RNASET2: variants seen among roughly 807,000 people sequenced by gnomAD.
The protein encoded by RNASET2 is ribonuclease T2.
Under a neutral mutation model 33.9 loss-of-function variants are expected in RNASET2, and 28 were observed. The observed-to-expected ratio is 0.83, with a 90% CI of 0.61 to 1.13. The LOEUF (loss-of-function observed/expected upper bound fraction) is 1.13. RNASET2 is among the 50% of genes most tolerant of loss of function. The pLI is 0.00. For synonymous variants in RNASET2, 123 were observed against 121.0 expected (o/e 1.02, Z -0.11); for missense variants, 330 against 319.9 (o/e 1.03, Z -0.24).
intron 3 of RNASET2, among the ~76,000 whole-genome samples, chr6:166,947,385 T>C: frequency 6.6e-6 from 1 of 152,204 alleles, no homozygotes; most frequent in Non-Finnish European, 1.5e-5. Flanking sequence ...ACTAACTTCC[T>C]AAGACCCCGA....
chr6:166,951,171 C>T (rs1050050380), intron 2 of RNASET2, among the ~76,000 whole-genome samples: 4 of 151,942 alleles, frequency 2.6e-5, no homozygotes, highest in Non-Finnish European at 4.4e-5. Flanking sequence ...GCAGCGGAGG[C>T]GGAGAGAGAG....
rs749361634 is a variant in RNASET2 at position 166,928,637 on chromosome 6, G to A, written c.*951C>T. ...AAAGAGAGAAGAGGCCAGGAGACGC[G>A]GGAGAAGACAATGCTAACAGGTTGT... is the stretch of plus-strand genomic sequence containing the variant. On this transcript the variant is annotated 3_prime_UTR_variant, in exon 9 of 9. Transcript: ENST00000508775. Among the ~76,000 whole-genome samples the A allele has an allele frequency of 1.3e-5, 2 of 152,166 alleles. No homozygotes were observed. Among genetic ancestry groups the A allele is most frequent in the Admixed American group, 1.3e-4 (2 of 15,282 alleles).
intron 6 of RNASET2, among the ~76,000 whole-genome samples, chr6:166,937,614 G>A (rs896731502): frequency 2.6e-5 from 4 of 152,110 alleles, no homozygotes; most frequent in South Asian, 2.1e-4. Flanking sequence ...GTCTGTGTAC[G>A]TTTCTTAGTG....
rs183445525 is a variant in RNASET2 at position 166,935,833 on chromosome 6, C to T, written c.447-1697G>A. On this transcript the variant is annotated intron_variant, in intron 6 of 8. Coordinates refer to ENST00000508775, the MANE Select transcript of RNASET2 (RefSeq NM_003730.6). The stretch of plus-strand genomic sequence containing the variant: ...GCTAGGATTACGTGCACCACCATGC[C>T]CAGCTAATTTTTGTATTTTTAGTAG... 2.7e-3 allele frequency among the ~76,000 whole-genome samples: 409 copies of T among 152,188 alleles called. 2 individuals carry two copies. Among genetic ancestry groups the T allele is most frequent in the African/African-American group, 9.5e-3 (396 of 41,510 alleles).
chr6:166,943,271 C>T, intron 4 of RNASET2, 182 bp from the exon 5 acceptor site: 1 of 532,156 alleles, frequency 1.9e-6, no homozygotes, highest in Non-Finnish European at 3.4e-6. Flanking sequence ...TCTACAAGTG[C>T]AATTTGAGTA....
intron 1 of RNASET2, chr6:166,955,742 T>C: frequency 8.7e-7 from 1 of 1,143,510 alleles, no homozygotes. Context: ...CCCAACCCAC[T>C]TCTTCCCAGG....
chr6:166,926,293 T>G lies in RNASET2; in HGVS notation c.*3295A>C, dbSNP rs771109927. 1.3e-5 allele frequency among the ~76,000 whole-genome samples: 2 copies of G among 151,266 alleles called. No homozygotes were observed. Among genetic ancestry groups the G allele is most frequent in the Admixed American group, 6.6e-5 (1 of 15,110 alleles). On this transcript the variant is annotated 3_prime_UTR_variant, in exon 9 of 9. Coordinates refer to ENST00000508775, the MANE Select transcript of RNASET2 (RefSeq NM_003730.6). ...TGGCTCACACCTATAATCCTAGCACTCTGGGAGGCTGAGGCAGGCAGATCA... is the reference window on the plus strand; with the variant it reads ...TGGCTCACACCTATAATCCTAGCACGCTGGGAGGCTGAGGCAGGCAGATCA...
In RNASET2 at chr6:166,923,879, C is replaced by T. The variant is rs1778268599; in HGVS notation, c.*5709G>A. Among the ~76,000 whole-genome samples, 2 of 152,178 alleles carry T rather than the reference C, an allele frequency of 1.3e-5. No individual in the cohort carries two copies. The highest frequency in any genetic ancestry group is 2.9e-5 in the Non-Finnish European group (2 of 68,036). On this transcript the variant is annotated 3_prime_UTR_variant, in exon 9 of 9. Transcript: ENST00000508775. ...AGTATTTTAACTTCTGAGTCTTTTC[C>T]AGCCTTCTGCAGTGATAGATCTAGC...
At chr6:166,934,446 C>G (rs1260204608) in intron 6 of RNASET2, 3 of 349,158 alleles carry the variant, frequency 8.6e-6, no homozygotes, top group Non-Finnish European at 1.6e-5. Flanking sequence ...CACCCGTTTG[C>G]CACACCTGCT....
In RNASET2 at chr6:166,928,792, T is replaced by C. The variant is rs368372765; in HGVS notation, c.*796A>G. 3.9e-5 allele frequency among the ~76,000 whole-genome samples: 6 copies of C among 152,184 alleles called. No homozygotes were observed. The highest frequency in any genetic ancestry group is 9.6e-5 in the African/African-American group (4 of 41,454). On this transcript the variant is annotated 3_prime_UTR_variant, in exon 9 of 9. Transcript: ENST00000508775. ...CTGACGTGAGAGCCATGTCATCACA[T>C]ATCTAGAAGGTAAGGGTACCTCCGG...
intron 6 of RNASET2, among the ~76,000 whole-genome samples, chr6:166,936,814 G>GT (rs1452882218): frequency 3.9e-5 from 6 of 152,366 alleles, no homozygotes; most frequent in East Asian, 1.9e-4. Context: ...TTCAACGAGT[G>GT]TAAGTAGGAG....
chr6:166,932,436 T>C (rs1160640279), intron 7 of RNASET2: 1 of 151,868 alleles, frequency 6.6e-6, no homozygotes, highest in East Asian at 1.9e-4. Flanking sequence ...TGGTCCCATA[T>C]CTCCCAGCCC....
chr6:166,939,282 A>C (rs1234243851), intron 5 of RNASET2, among the ~76,000 whole-genome samples: 1 of 152,182 alleles, frequency 6.6e-6, no homozygotes, highest in Non-Finnish European at 1.5e-5. Context: ...GCAGTGAGCC[A>C]AGATCATGCC....
rs1425138432 is a variant in RNASET2 at position 166,941,152 on chromosome 6, TC to T, written c.332+1866del. 2.0e-5 allele frequency among the ~76,000 whole-genome samples: 3 copies of T among 152,236 alleles called. No individual in the cohort carries two copies. The East Asian group carries it at 5.8e-4, about 29-fold the overall frequency. ...AATATTAATTTGTGTGTGAGATTTATCTTTTTCATTTAGAACCAGTTTTTTA... is the reference window on the plus strand; with the variant it reads ...AATATTAATTTGTGTGTGAGATTTATTTTTTCATTTAGAACCAGTTTTTTA... On this transcript the variant is annotated intron_variant, in intron 5 of 8. Transcript: ENST00000508775.
At position 166,926,593 on chromosome 6, in the gene RNASET2, C is replaced by T. The variant is rs1396325821; in HGVS notation, c.*2995G>A. Among the ~76,000 whole-genome samples, 1 of 151,650 alleles carries T rather than the reference C, an allele frequency of 6.6e-6. No homozygotes were observed. Among genetic ancestry groups the T allele is most frequent in the African/African-American group, 2.4e-5 (1 of 41,296 alleles). Reference sequence around the variant, plus strand: ...TCTAGTTCTGAATATGATACAATTGCTACTGTTAGTTATTCAAGCGCATAA... The same window carrying T: ...TCTAGTTCTGAATATGATACAATTGTTACTGTTAGTTATTCAAGCGCATAA... On this transcript the variant is annotated 3_prime_UTR_variant, in exon 9 of 9. Transcript: ENST00000508775.
chr6:166,956,162 G>C lies in RNASET2; in HGVS notation c.21C>G (p.Arg7=), dbSNP rs12193095. ...GGCAGAGGCAGCCCAGCAGGGCCCC[G>C]CGCAGGGCTGCAGGGCGCATGGTGC... is the stretch of plus-strand genomic sequence containing the variant. MRPAAL[R]GALLGCLCLA... The change falls in exon 1 of 9, where the codon CGC becomes CGG. Residue 7 remains arginine, a synonymous_variant. Transcript: ENST00000508775. 6.5e-7 allele frequency: 1 copy of C among 1,549,792 alleles called. No homozygotes were observed. Among genetic ancestry groups the C allele is most frequent in the Admixed American group, 2.0e-5 (1 of 50,978 alleles).
At chr6:166,940,413 G>A (rs978811045) in intron 5 of RNASET2, among the ~76,000 whole-genome samples, 3 of 152,194 alleles carry the variant, frequency 2.0e-5, no homozygotes, top group Non-Finnish European at 4.4e-5. Context: ...GAAAGTGGAT[G>A]AGTAACTGTC....
Position 166,922,196 on chromosome 6 carries a change from G to A in RNASET2, c.*7392C>T, listed in dbSNP as rs1778246704. On this transcript the variant is annotated 3_prime_UTR_variant, in exon 9 of 9. Coordinates refer to ENST00000508775, the MANE Select transcript of RNASET2 (RefSeq NM_003730.6). ...GCATATATGTTGATCATGTTTACAT[G>A]TTTATGTTGGGGACATTATTATAAA... is the stretch of plus-strand genomic sequence containing the variant. Among the ~76,000 whole-genome samples, 1 of 152,144 alleles carries A rather than the reference G, an allele frequency of 6.6e-6. No homozygotes were observed. The highest frequency in any genetic ancestry group is 6.5e-5 in the Admixed American group (1 of 15,272).
chr6:166,939,487 C>T (rs554582270), intron 5 of RNASET2, among the ~76,000 whole-genome samples: 78 of 152,306 alleles, frequency 5.1e-4, no homozygotes, highest in Non-Finnish European at 2.4e-4. Flanking sequence ...CAATCCCCCA[C>T]GATTAAATAA....
Sources: allele counts gnomAD v4.1 joint callset (sites outside exome capture counted in the v4.1 genomes callset), GRCh38; gene constraint gnomAD v4.1.1; transcripts MANE v1.5; gene names NCBI Gene and HGNC (gene_info 2026-07-23, HGNC 2026-07-21).